RHBDF1: variants seen among roughly 807,000 people sequenced by gnomAD.
The protein encoded by RHBDF1 is rhomboid 5 homolog 1.
RHBDF1 carries 80 observed loss-of-function variants against 98.6 expected under a neutral mutation model. The ratio of observed to expected loss-of-function variants is 0.81; its 90% CI spans 0.68 to 0.98. RHBDF1 has a LOEUF of 0.98. Ranked by LOEUF, RHBDF1 falls within the 50% of genes least tolerant of loss-of-function variation. The pLI, the probability that RHBDF1 is intolerant of heterozygous loss-of-function variation, is 0.00. For synonymous variants in RHBDF1, 512 were observed against 486.8 expected, an observed-to-expected ratio of 1.05 and a Z score of -0.68; for missense variants, 1,116 against 1,198.3, an observed-to-expected ratio of 0.93 and a Z score of 1.01.
In RHBDF1 at chr16:60,207, G is replaced by A. The variant is rs1383957341; in HGVS notation, c.1722+9C>T. 2 of 1,613,906 alleles carry A rather than the reference G, an allele frequency of 1.2e-6. No individual in the cohort carries two copies. Among genetic ancestry groups the A allele is most frequent in the Non-Finnish European group, 1.7e-6 (2 of 1,179,996 alleles). Reference sequence around the variant, plus strand: ...AGGGCTCCCTAACAACCCCCCCACTGCAGCTCACCGGCCACTTGGTGATGT... The same window carrying A: ...AGGGCTCCCTAACAACCCCCCCACTACAGCTCACCGGCCACTTGGTGATGT... On this transcript the variant is annotated intron_variant, in intron 13 of 17. Transcript: ENST00000262316.
intron 3 of RHBDF1, chr16:64,117 G>C: frequency 1.5e-6 from 1 of 647,640 alleles, no homozygotes; most frequent in Non-Finnish European, 2.6e-6. Context: ...AGCTCAACCC[G>C]AGAGAGCTTG....
chr16:61,867 G>A lies in RHBDF1; in HGVS notation c.1139C>T (p.Thr380Ile). The change falls in exon 8 of 18, where the codon ACC (threonine) becomes ATC (isoleucine). Residue 380 changes from threonine to isoleucine, a missense_variant. By Grantham distance (89) the Thr-to-Ile change is moderately conservative. Transcript: ENST00000262316. ...PYGLGMVGRLTNRTYRKRIDS... is the reference protein window; with the variant it reads ...PYGLGMVGRLINRTYRKRIDS... ...GATGCGCTTGCGGTAGGTGCGGTTG[G>A]TGAGCCGTCCCACCATGCCCAGCCC... is the stretch of plus-strand genomic sequence containing the variant. 6.2e-7 allele frequency: 1 copy of A among 1,610,438 alleles called. No individual in the cohort carries two copies. Among genetic ancestry groups the A allele is most frequent in the Non-Finnish European group, 8.5e-7 (1 of 1,179,806 alleles).
chr16:66,953 C>T (rs915160369), intron 1 of RHBDF1, among the ~76,000 whole-genome samples: 12 of 152,204 alleles, frequency 7.9e-5, no homozygotes, highest in Non-Finnish European at 1.8e-4. Context: ...CCAGGAGACC[C>T]CTCTGCATCT....
At chr16:68,662 G>A (rs938569946) in intron 1 of RHBDF1, among the ~76,000 whole-genome samples, 6 of 152,110 alleles carry the variant, frequency 3.9e-5, no homozygotes, top group South Asian at 2.1e-4. Context: ...GACCAGCTGG[G>A]GGGGCTGCGG....
intron 4 of RHBDF1, 116 bp downstream of exon 4, chr16:63,471 C>T: frequency 1.1e-6 from 1 of 917,052 alleles, no homozygotes; most frequent in South Asian, 1.7e-5. Flanking sequence ...GTCTGACTGC[C>T]CTTCCAGACT....
At chr16:72,950 G>A (rs1022233752), upstream of RHBDF1, among the ~76,000 whole-genome samples, 7 of 152,154 alleles carry the variant, frequency 4.6e-5, no homozygotes, top group Non-Finnish European at 1.0e-4. Context: ...AGGAGGGAGA[G>A]CAGGCACGGG....
chr16:73,340 C>T (rs981433034), upstream of RHBDF1, among the ~76,000 whole-genome samples: 12 of 152,146 alleles, frequency 7.9e-5, no homozygotes, highest in African/African-American at 2.9e-4. Flanking sequence ...AGCAGGCACT[C>T]AGGCCAGGCT....
rs761414917 is a variant in RHBDF1, at chr16:62,527, G to A, written c.953+11C>T. 8.1e-6 allele frequency: 13 copies of A among 1,610,618 alleles called. No individual in the cohort carries two copies. Among genetic ancestry groups the A allele is most frequent in the Non-Finnish European group, 1.0e-5 (12 of 1,179,732 alleles). ...CTCTCTCTGCCCCTCTTCCCTGCCT[G>A]CCGCACTCACAGCATCAGGTGGCTG... is the stretch of plus-strand genomic sequence containing the variant. On this transcript the variant is annotated intron_variant, in intron 7 of 17. Coordinates refer to ENST00000262316, the MANE Select transcript of RHBDF1 (RefSeq NM_022450.5).
At chr16:72,480 C>G in intron 1 of RHBDF1, 33 bp downstream of exon 1, 1 of 968,336 alleles carries the variant, frequency 1.0e-6, no homozygotes, top group Non-Finnish European at 1.2e-6. Flanking sequence ...CGCCCGCCCC[C>G]GGAGCCCTGC....
chr16:60,982 ATATGACAAGGCCTTGCGCG>A (rs1271866349), intron 11 of RHBDF1, 119 bp downstream of exon 11: 2 of 894,998 alleles, frequency 2.2e-6, no homozygotes, highest in Admixed American at 2.9e-5. Flanking sequence ...GGAGGAATGA[ATATGACAAGGCCTTGCGCG>A]TAAGGACGGC....
In RHBDF1 at chr16:58,756, C is replaced by T; in HGVS notation, c.2152G>A (p.Gly718Ser). The change falls in exon 18 of 18, where the codon GGT becomes AGT. Residue 718 changes from glycine to serine, a missense_variant. Transcript: ENST00000262316. ...AIFLPYRAEV[G>S]PAGSQFGILA... Reference sequence around the variant, plus strand: ...ATGCCGAACTGGGAGCCAGCAGGACCCACCTGGGGGATGGTTGGGGTAGCT... The same window carrying T: ...ATGCCGAACTGGGAGCCAGCAGGACTCACCTGGGGGATGGTTGGGGTAGCT... 1 of 1,611,892 alleles carries T rather than the reference C, an allele frequency of 6.2e-7. No individual in the cohort carries two copies. The highest frequency in any genetic ancestry group is 8.5e-7 in the Non-Finnish European group (1 of 1,179,384).
At chr16:72,653 C>G (rs1272496799), upstream of RHBDF1, 2 of 751,220 alleles carry the variant, frequency 2.7e-6, no homozygotes, top group East Asian at 3.2e-4. Context: ...GGGCGTGCGC[C>G]CGGGGGCGGG....
At chr16:67,479 C>T (rs974574671) in intron 1 of RHBDF1, among the ~76,000 whole-genome samples, 1 of 152,150 alleles carries the variant, frequency 6.6e-6, no homozygotes, top group African/African-American at 2.4e-5. Context: ...CAACAGAGAC[C>T]GTTGCCAGCT....
At chr16:64,674 T>A (rs371898602) in intron 3 of RHBDF1, 25 bp downstream of exon 3, 5 of 1,591,430 alleles carry the variant, frequency 3.1e-6, no homozygotes, top group Non-Finnish European at 2.6e-6. Context: ...TCCCACCCCA[T>A]GGAGCAGCTG....
Position 64,886 on chromosome 16 carries a change from G to A in RHBDF1, c.117+13C>T, listed in dbSNP as rs1194448657. On this transcript the variant is annotated intron_variant, in intron 2 of 17. Transcript: ENST00000262316. ...ACAGGGGGCACCCACAGTCCCTGCA[G>A]GCCAGGGCCTACCTGCAGGAAGCTG... The A allele has an allele frequency of 6.2e-7, 1 of 1,613,004 alleles. No homozygotes were observed. Among genetic ancestry groups the A allele is most frequent in the African/African-American group, 1.3e-5 (1 of 74,912 alleles).
rs1373369716 is a variant in RHBDF1, at chr16:59,405, C to G, written c.1893+14G>C. The G allele has an allele frequency of 6.2e-7, 1 of 1,613,382 alleles. No homozygotes were observed. The highest frequency in any genetic ancestry group is 1.1e-5 in the South Asian group (1 of 91,044). Reference sequence around the variant, plus strand: ...AGCTGGGGGAGGGGAACGACGGACACTCTGCAGACCTACCTGAGAGCAGAG... The same window carrying G: ...AGCTGGGGGAGGGGAACGACGGACAGTCTGCAGACCTACCTGAGAGCAGAG... On this transcript the variant is annotated intron_variant, in intron 15 of 17. Coordinates refer to ENST00000262316, the MANE Select transcript of RHBDF1 (RefSeq NM_022450.5).
chr16:61,039 A>G, intron 11 of RHBDF1, 81 bp downstream of exon 11: 1 of 1,426,206 alleles, frequency 7.0e-7, no homozygotes, highest in Non-Finnish European at 9.4e-7. Context: ...AGGGCGAAGG[A>G]TCACTCTGCC....
At chr16:75,707 G>A (rs1203223602), upstream of RHBDF1, among the ~76,000 whole-genome samples, 1 of 152,194 alleles carries the variant, frequency 6.6e-6, no homozygotes, top group Non-Finnish European at 1.5e-5. Flanking sequence ...CCCAGTGGCT[G>A]CCTTCTCTGC....
chr16:58,731 A>T lies in RHBDF1; in HGVS notation c.2177T>A (p.Ile726Asn). ...GAGCTCCACGAAGAGGCAGGCCAGGATGCCGAACTGGGAGCCAGCAGGACC... is the reference window on the plus strand; with the variant it reads ...GAGCTCCACGAAGAGGCAGGCCAGGTTGCCGAACTGGGAGCCAGCAGGACC... Reference protein sequence around the residue: ...EVGPAGSQFGILACLFVELFQ... With the variant: ...EVGPAGSQFGNLACLFVELFQ... The change falls in exon 18 of 18, where the codon ATC (isoleucine) becomes AAC (asparagine). Residue 726 changes from isoleucine (I) to asparagine (N), a missense_variant. Coordinates refer to ENST00000262316, the MANE Select transcript of RHBDF1 (RefSeq NM_022450.5). The T allele has an allele frequency of 1.9e-6, 3 of 1,612,736 alleles. No individual in the cohort carries two copies. Among genetic ancestry groups the T allele is most frequent in the Non-Finnish European group, 2.5e-6 (3 of 1,179,802 alleles).
Sources: gnomAD v4.1 joint callset for allele counts (sites outside exome capture counted in the v4.1 genomes callset) on GRCh38, gnomAD v4.1.1 for gene constraint, MANE v1.5 for transcripts, NCBI Gene and HGNC (gene_info 2026-07-23, HGNC 2026-07-21) for gene names.